Variants in TTLL8 observed in about 807,000 individuals in gnomAD.
TTLL8 encodes the protein protein monoglycylase TTLL8.
A neutral mutation model predicts 77.8 loss-of-function variants in TTLL8; 65 were observed. That is an observed-to-expected ratio of 0.84 (90% CI 0.68 to 1.03). TTLL8 has a LOEUF of 1.03. Ranked by LOEUF, TTLL8 falls within the 50% of genes least tolerant of loss-of-function variation. The pLI is 0.00. For synonymous variants in TTLL8, 402 were observed against 422.8 expected (o/e 0.95, Z 0.60); for missense variants, 910 against 1,004.5 (o/e 0.91, Z 1.27).
At chr22:50,052,506 T>C (rs79814761) in intron 1 of TTLL8, among the ~76,000 whole-genome samples, 8,039 of 152,132 alleles carry the variant, frequency 0.053, 482 homozygotes, top group East Asian at 0.3. Flanking sequence ...TGAATGAAGA[T>C]AACAGACACA....
chr22:50,057,183 G>T (rs1453195326), upstream of TTLL8, among the ~76,000 whole-genome samples: 2 of 149,324 alleles, frequency 1.3e-5, no homozygotes, highest in Non-Finnish European at 3.0e-5. Flanking sequence ...GTCAGGTCTG[G>T]GGTTGGGGGT....
Position 50,045,478 on chromosome 22 carries a change from G to A in TTLL8, c.509-89C>T, listed in dbSNP as rs574242303. On this transcript the variant is annotated intron_variant, in intron 5 of 13. Transcript: ENST00000266182. ...CAGGGCCACGGAGGCTCCCCAACCC[G>A]CCCCACTTCCCGCCCTCATAGCCGA... 2.3e-5 allele frequency: 27 copies of A among 1,157,436 alleles called. No individual in the cohort carries two copies. In the East Asian group the frequency reaches 3.5e-4, roughly 15 times the overall value. 71.7% of individuals were successfully genotyped at this position (1,157,436 alleles called of 1,614,324 possible). A position where few individuals can be genotyped will look rare whatever the true frequency, so the allele number is the denominator to read the frequency against.
upstream of TTLL8, among the ~76,000 whole-genome samples, chr22:50,057,590 G>C (rs1457671655): frequency 5.7e-5 from 5 of 88,356 alleles, 2 homozygotes; most frequent in Admixed American, 2.5e-4. Flanking sequence ...CTGGGTTGAG[G>C]GTCAGGTTTG....
At chr22:50,057,915 G>A (rs973071368), upstream of TTLL8, among the ~76,000 whole-genome samples, 1 of 151,882 alleles carries the variant, frequency 6.6e-6, no homozygotes, top group Non-Finnish European at 1.5e-5. Flanking sequence ...GAGGGCGGGC[G>A]AGTGGGTAGA....
At chr22:50,023,967 C>G (rs1186757784) in intron 12 of TTLL8, among the ~76,000 whole-genome samples, 1 of 152,010 alleles carries the variant, frequency 6.6e-6, no homozygotes, top group Non-Finnish European at 1.5e-5. Flanking sequence ...TTGCAATGAG[C>G]TGAGATCATG....
chr22:50,045,188 C>T (rs374509214), intron 6 of TTLL8, 67 bp downstream of exon 8: 61 of 1,289,956 alleles, frequency 4.7e-5, no homozygotes, highest in South Asian at 1.1e-4. Context: ...ACCCAGGAGG[C>T]GGGAGGGCCC....
intron 3 of TTLL8, among the ~76,000 whole-genome samples, chr22:50,047,886 C>T (rs2061422253): frequency 6.6e-6 from 1 of 152,144 alleles, no homozygotes; most frequent in African/African-American, 2.4e-5. Flanking sequence ...TCACCTGAGG[C>T]CAGGAGTTCA....
At chr22:50,019,163 A>G (rs544993436) in intron 12 of TTLL8, among the ~76,000 whole-genome samples, 18 of 152,322 alleles carry the variant, frequency 1.2e-4, no homozygotes, top group Admixed American at 1.1e-3. Flanking sequence ...TTAACGTGCA[A>G]TGAGTAATTT....
At chr22:50,052,420 G>A (rs1488801435) in intron 1 of TTLL8, among the ~76,000 whole-genome samples, 1 of 152,182 alleles carries the variant, frequency 6.6e-6, no homozygotes, top group Non-Finnish European at 1.5e-5. Flanking sequence ...GGGAAAGGGG[G>A]ATTTAAAAAG....
intron 2 of TTLL8, 123 bp from the exon 5 acceptor site, chr22:50,049,445 G>C (rs558392606): frequency 5.6e-6 from 6 of 1,067,490 alleles, no homozygotes; most frequent in Middle Eastern, 3.6e-4. Context: ...CTCCAGATGG[G>C]GCCTTCCCCT....
chr22:50,054,693 C>A, upstream of TTLL8: 1 of 178,460 alleles, frequency 5.6e-6, no homozygotes, highest in Admixed American at 6.2e-5. Flanking sequence ...GGACACACAG[C>A]GGGCGGCGCT....
chr22:50,043,581 C>T (rs541057937), intron 6 of TTLL8, among the ~76,000 whole-genome samples: 7 of 151,544 alleles, frequency 4.6e-5, no homozygotes, highest in Admixed American at 3.9e-4. Context: ...ACATGTTCTT[C>T]GGTAGATGGA....
intron 12 of TTLL8, chr22:50,027,663 C>T (rs1487939128): frequency 2.0e-6 from 2 of 985,358 alleles, no homozygotes; most frequent in Non-Finnish European, 2.4e-6. Flanking sequence ...ACTTCCTGTC[C>T]TGCTGGCCGG....
In TTLL8 at chr22:50,032,119, G is replaced by A. The variant is rs748146209; in HGVS notation, c.1284-10C>T. ...GCACAGGTGGATGGCGCTGCAGGGG[G>A]GACGAGGGGCAGGTGCTCAGCCTCC... On this transcript the variant is annotated splice_polypyrimidine_tract_variant and intron_variant, in intron 10 of 13. Transcript: ENST00000266182. 1.5e-6 allele frequency: 2 copies of A among 1,347,974 alleles called. No individual in the cohort carries two copies. Among genetic ancestry groups the A allele is most frequent in the South Asian group, 2.3e-5 (2 of 86,932 alleles). 83.5% of individuals were successfully genotyped at this position (1,347,974 alleles called of 1,614,324 possible).
chr22:50,039,976 G>C (rs1338367295), intron 8 of TTLL8, among the ~76,000 whole-genome samples: 1 of 142,176 alleles, frequency 7.0e-6, no homozygotes. Context: ...CAGACCTCAT[G>C]TGTGCCAGCA....
chr22:50,057,926 G>A (rs1420077681), upstream of TTLL8, among the ~76,000 whole-genome samples: 1 of 151,874 alleles, frequency 6.6e-6, no homozygotes, highest in Non-Finnish European at 1.5e-5. Flanking sequence ...AGTGGGTAGA[G>A]TTGGGCAGGT....
intron 3 of TTLL8, among the ~76,000 whole-genome samples, chr22:50,048,897 G>T (rs1000853313): frequency 1.3e-5 from 2 of 152,196 alleles, no homozygotes; most frequent in Non-Finnish European, 2.9e-5. Context: ...GAGCTCACTC[G>T]CTGGCCAGGC....
chr22:50,045,609 G>A (rs959703362), intron 5 of TTLL8, among the ~76,000 whole-genome samples: 1 of 152,164 alleles, frequency 6.6e-6, no homozygotes, highest in Non-Finnish European at 1.5e-5. Context: ...CGACCACGGA[G>A]CCGGCCTTGC....
upstream of TTLL8, among the ~76,000 whole-genome samples, chr22:50,055,946 C>T (rs554790295): frequency 1.7e-4 from 26 of 152,174 alleles, no homozygotes; most frequent in South Asian, 1.2e-3. Flanking sequence ...GATAGGAGGT[C>T]GGCACAAGAC....
Sources: gnomAD v4.1 joint callset for allele counts (sites outside exome capture counted in the v4.1 genomes callset) on GRCh38, gnomAD v4.1.1 for gene constraint, MANE v1.5 for transcripts, NCBI Gene and HGNC (gene_info 2026-07-23, HGNC 2026-07-21) for gene names.